Variants in MCTP1 observed in about 807,000 individuals in gnomAD.
The protein encoded by MCTP1 is multiple C2 and transmembrane domain containing 1, also known as multiple C2 and transmembrane domain-containing protein 1.
MCTP1 carries 69 observed loss-of-function variants against 120.6 expected under a neutral mutation model. The ratio of observed to expected loss-of-function variants is 0.57; its 90% CI spans 0.47 to 0.70. The LOEUF (loss-of-function observed/expected upper bound fraction) is 0.70. MCTP1 is among the 30% of genes least tolerant of loss of function. The pLI is 0.00. For missense variants in MCTP1, 1,203 were observed against 1,248.8 expected, an observed-to-expected ratio of 0.96 and a Z score of 0.55; for synonymous variants, 529 against 493.1, an observed-to-expected ratio of 1.07 and a Z score of -0.96.
At chr5:95,110,551 AAG>A (rs1757380594) in intron 1 of MCTP1, among the ~76,000 whole-genome samples, 3 of 152,174 alleles carry the variant, frequency 2.0e-5, no homozygotes, top group Admixed American at 1.3e-4. Context: ...TTATTATGTT[AAG>A]CTCCTGAAAT....
At chr5:94,887,711 C>G (rs1801649516) in intron 12 of MCTP1, among the ~76,000 whole-genome samples, 1 of 152,148 alleles carries the variant, frequency 6.6e-6, no homozygotes, top group African/African-American at 2.4e-5. Flanking sequence ...TTATCATCTT[C>G]TTGGTTACAA....
At chr5:94,718,495 A>G (rs1379906925) in intron 19 of MCTP1, among the ~76,000 whole-genome samples, 1 of 152,094 alleles carries the variant, frequency 6.6e-6, no homozygotes, top group African/African-American at 2.4e-5. Flanking sequence ...TTTGGTTGCA[A>G]TGCAACCAAA....
chr5:95,196,817 T>A (rs917410154), intron 1 of MCTP1, among the ~76,000 whole-genome samples: 1 of 152,184 alleles, frequency 6.6e-6, no homozygotes, highest in Non-Finnish European at 1.5e-5. Flanking sequence ...TTGAATAGAA[T>A]CACCTATAAG....
chr5:94,795,457 A>G, intron 18 of MCTP1, among the ~76,000 whole-genome samples: 1 of 152,202 alleles, frequency 6.6e-6, no homozygotes, highest in East Asian at 1.9e-4. Flanking sequence ...CTACTCTTCC[A>G]CTTTCAAAAT....
chr5:94,780,501 G>GC (rs1776342550), intron 18 of MCTP1, among the ~76,000 whole-genome samples: 1 of 152,144 alleles, frequency 6.6e-6, no homozygotes. Context: ...CTGTGAGACT[G>GC]TCTTAATTTA....
chr5:95,142,380 G>C (rs991530683), intron 1 of MCTP1, among the ~76,000 whole-genome samples: 19 of 152,138 alleles, frequency 1.2e-4, no homozygotes, highest in Non-Finnish European at 2.5e-4. Context: ...TAGAACACGA[G>C]ATTATAATTA....
rs1821348456 is a variant in MCTP1 at position 94,953,850 on chromosome 5, T to TATATGTATGCATATATATACAA, written c.839-490_839-489insTTGTATATATATGCATACATAT. The stretch of plus-strand genomic sequence containing the variant: ...ATATACATATATATATATACACAAC[T>TATATGTATGCATATATATACAA]ATATATATGCATATATATACAAATA... On this transcript the variant is annotated intron_variant, in intron 2 of 22. Coordinates refer to ENST00000515393, the MANE Select transcript of MCTP1 (RefSeq NM_024717.7). Among the ~76,000 whole-genome samples, 4 of 44,884 alleles carry TATATGTATGCATATATATACAA rather than the reference T, an allele frequency of 8.9e-5. No homozygotes were observed. In the Admixed American group the frequency reaches 1.0e-3, roughly 12 times the overall value. 29.4% of individuals were successfully genotyped at this position (44,884 alleles called of 152,430 possible).
At chr5:94,895,824 C>T (rs537629879) in intron 10 of MCTP1, among the ~76,000 whole-genome samples, 5 of 152,192 alleles carry the variant, frequency 3.3e-5, no homozygotes, top group African/African-American at 9.6e-5. Flanking sequence ...TTTCAATAGG[C>T]CTTTTATTTT....
chr5:94,955,921 G>A (rs1822490572), intron 2 of MCTP1, among the ~76,000 whole-genome samples: 1 of 152,190 alleles, frequency 6.6e-6, no homozygotes, highest in South Asian at 2.1e-4. Context: ...CTCTGCTAAG[G>A]GACAGTATGC....
At chr5:95,017,556 TATAG>T in intron 1 of MCTP1, 72 bp from the exon 2 acceptor site, 26 of 892,620 alleles carry the variant, frequency 2.9e-5, no homozygotes, top group Non-Finnish European at 4.1e-5. Context: ...GGGGACCATA[TATAG>T]CTTAACCCAA....
At chr5:94,836,080 G>A (rs255213) in intron 17 of MCTP1, among the ~76,000 whole-genome samples, 76,871 of 150,524 alleles carry the variant, frequency 0.51, 23,896 homozygotes, top group Non-Finnish European at 0.71. Context: ...CTTGGGAGGC[G>A]GAGGCAGAAA....
At chr5:94,786,409 TA>T (rs1384520820) in intron 18 of MCTP1, among the ~76,000 whole-genome samples, 1 of 152,008 alleles carries the variant, frequency 6.6e-6, no homozygotes, top group Non-Finnish European at 1.5e-5. Context: ...TAAATAATGA[TA>T]TTTTTTATCT....
rs556331885 is a variant in MCTP1, at chr5:94,747,829, G to A, written c.2610+31281C>T. 2.4e-4 allele frequency among the ~76,000 whole-genome samples: 37 copies of A among 152,170 alleles called. 1 individual carries two copies. In the South Asian group the frequency reaches 6.2e-3, roughly 26 times the overall value. On this transcript the variant is annotated intron_variant, in intron 19 of 22. Coordinates refer to ENST00000515393, the MANE Select transcript of MCTP1 (RefSeq NM_024717.7). The stretch of plus-strand genomic sequence containing the variant: ...AAGGAGGCCAGGCATGGTGGCTCAC[G>A]CCTGTAAACCCAGCACCTTGGGAGG...
intron 2 of MCTP1, among the ~76,000 whole-genome samples, chr5:94,956,903 G>T (rs184571558): frequency 4.6e-5 from 7 of 152,242 alleles, no homozygotes; most frequent in Admixed American, 3.9e-4. Context: ...TCAAATTCAG[G>T]AAATACAGAA....
chr5:94,708,580 T>A lies in MCTP1; in HGVS notation c.2860A>T (p.Ser954Cys). The change falls in exon 22 of 23, where the codon AGT becomes TGT. Residue 954 changes from serine (S) to cysteine (C), a missense_variant. Coordinates refer to ENST00000515393, the MANE Select transcript of MCTP1 (RefSeq NM_024717.7). ...TCATTGTTATCAATTGCATATGGACTCCGAAGCTTTTTTGTAAATTTATTG... is the reference window on the plus strand; with the variant it reads ...TCATTGTTATCAATTGCATATGGACACCGAAGCTTTTTTGTAAATTTATTG... ...GINKFTKKLR[S>C]PYAIDNNELL... The A allele has an allele frequency of 6.2e-7, 1 of 1,610,892 alleles. No individual in the cohort carries two copies. Among genetic ancestry groups the A allele is most frequent in the Non-Finnish European group, 8.5e-7 (1 of 1,177,726 alleles).
chr5:95,142,414 A>T (rs1474048959), intron 1 of MCTP1, among the ~76,000 whole-genome samples: 1 of 152,234 alleles, frequency 6.6e-6, no homozygotes, highest in Non-Finnish European at 1.5e-5. Flanking sequence ...AGATTTCTAT[A>T]TAAGGAACAA....
chr5:94,751,987 T>C (rs910970788), intron 19 of MCTP1, among the ~76,000 whole-genome samples: 11 of 149,108 alleles, frequency 7.4e-5, no homozygotes, highest in South Asian at 4.3e-4. Context: ...AGGGTTAGCA[T>C]TGGGAGATAT....
intron 1 of MCTP1, among the ~76,000 whole-genome samples, chr5:95,126,782 CT>C (rs950294317): frequency 3.8e-4 from 58 of 151,896 alleles, no homozygotes; most frequent in African/African-American, 1.3e-3. Flanking sequence ...TCTAAGAAGG[CT>C]TTTTTTTCAA....
intron 1 of MCTP1, among the ~76,000 whole-genome samples, chr5:95,219,218 A>T (rs1326453192): frequency 6.6e-6 from 1 of 151,682 alleles, no homozygotes; most frequent in Non-Finnish European, 1.5e-5. Flanking sequence ...CGTCTCTACT[A>T]AAAAATACAA....
Sources: allele counts gnomAD v4.1 joint callset (sites outside exome capture counted in the v4.1 genomes callset), GRCh38; gene constraint gnomAD v4.1.1; transcripts MANE v1.5; gene names NCBI Gene and HGNC (gene_info 2026-07-23, HGNC 2026-07-21).